SLC4A10: variants seen among roughly 807,000 people sequenced by gnomAD.
SLC4A10 encodes solute carrier family 4 member 10.
Under a neutral mutation model 137.7 loss-of-function variants are expected in SLC4A10, and 42 were observed. The observed-to-expected ratio is 0.30, with a 90% CI of 0.24 to 0.39. The LOEUF (loss-of-function observed/expected upper bound fraction) is 0.39. Ranked by LOEUF, SLC4A10 falls within the 10% of genes least tolerant of loss-of-function variation. The pLI, the probability that SLC4A10 is intolerant of heterozygous loss-of-function variation, is 1.00. For missense variants in SLC4A10, 925 were observed against 1,355.0 expected, an observed-to-expected ratio of 0.68 and a Z score of 4.98; for synonymous variants, 474 against 464.1, an observed-to-expected ratio of 1.02 and a Z score of -0.27.
At chr2:161,795,932 C>G (rs756502155) in intron 2 of SLC4A10, among the ~76,000 whole-genome samples, 1 of 152,026 alleles carries the variant, frequency 6.6e-6, no homozygotes, top group Non-Finnish European at 1.5e-5. Context: ...TGCTTGCCTT[C>G]TCTAGTATCC....
chr2:161,745,265 A>C (rs1403222804), intron 1 of SLC4A10, among the ~76,000 whole-genome samples: 1 of 151,528 alleles, frequency 6.6e-6, no homozygotes, highest in East Asian at 1.9e-4. Context: ...TCATCTTCTG[A>C]CTCCTCTGAT....
At chr2:161,726,577 T>G (rs918685817) in intron 1 of SLC4A10, among the ~76,000 whole-genome samples, 1 of 152,166 alleles carries the variant, frequency 6.6e-6, no homozygotes, top group Non-Finnish European at 1.5e-5. Context: ...CAATCCAATT[T>G]ACAGTGACAC....
chr2:161,762,343 G>A (rs1464492287), intron 1 of SLC4A10, among the ~76,000 whole-genome samples: 5 of 151,998 alleles, frequency 3.3e-5, no homozygotes, highest in South Asian at 2.1e-4. Context: ...TAAAAGTTAG[G>A]TTTGACTTAT....
chr2:161,804,327 C>T, intron 2 of SLC4A10, 122 bp from the exon 3 acceptor site: 13 of 1,094,520 alleles, frequency 1.2e-5, no homozygotes, highest in Non-Finnish European at 1.7e-5. Flanking sequence ...CTTTATGTAT[C>T]ATAAACATCA....
chr2:161,868,502 G>T (rs1020245493), intron 6 of SLC4A10, among the ~76,000 whole-genome samples: 1 of 151,182 alleles, frequency 6.6e-6, no homozygotes, highest in African/African-American at 2.4e-5. Flanking sequence ...AAAATTCATG[G>T]TCTATAATAA....
chr2:161,673,893 G>A (rs764702701), intron 1 of SLC4A10, among the ~76,000 whole-genome samples: 2 of 152,152 alleles, frequency 1.3e-5, no homozygotes, highest in African/African-American at 2.4e-5. Flanking sequence ...TGAAGGCTGA[G>A]GCAGGAGAAT....
intron 5 of SLC4A10, among the ~76,000 whole-genome samples, chr2:161,859,981 G>T (rs766095252): frequency 3.3e-5 from 5 of 152,130 alleles, no homozygotes; most frequent in Non-Finnish European, 7.4e-5. Flanking sequence ...CTTCACTCTG[G>T]ACCCAACGTC....
intron 20 of SLC4A10, among the ~76,000 whole-genome samples, chr2:161,957,852 A>G (rs917507938): frequency 6.6e-6 from 1 of 152,176 alleles, no homozygotes; most frequent in Non-Finnish European, 1.5e-5. Context: ...TGCGCTATAA[A>G]TTACAACACA....
At chr2:161,679,767 A>G (rs988215498) in intron 1 of SLC4A10, among the ~76,000 whole-genome samples, 6 of 140,370 alleles carry the variant, frequency 4.3e-5, no homozygotes, top group Non-Finnish European at 6.2e-5. Flanking sequence ...TTTTATTTTG[A>G]GTCCTCTTTT....
intron 3 of SLC4A10, among the ~76,000 whole-genome samples, chr2:161,832,462 G>C (rs1411703295): frequency 6.6e-6 from 1 of 152,182 alleles, no homozygotes; most frequent in Non-Finnish European, 1.5e-5. Context: ...AAGTCCATTG[G>C]TATTGGTAGC....
intron 1 of SLC4A10, among the ~76,000 whole-genome samples, chr2:161,725,938 A>G (rs1347328978): frequency 6.6e-6 from 1 of 152,236 alleles, no homozygotes; most frequent in Non-Finnish European, 1.5e-5. Flanking sequence ...TATAACATTT[A>G]AAAGCACACA....
chr2:161,816,814 A>G (rs1559315776), intron 3 of SLC4A10, among the ~76,000 whole-genome samples: 2 of 151,842 alleles, frequency 1.3e-5, no homozygotes, highest in Non-Finnish European at 2.9e-5. Flanking sequence ...TGAACTCATC[A>G]TTTTTTATGG....
chr2:161,896,899 AT>A (rs1468682714), intron 11 of SLC4A10, among the ~76,000 whole-genome samples: 3 of 152,106 alleles, frequency 2.0e-5, no homozygotes, highest in African/African-American at 7.2e-5. Context: ...GAATATTAAA[AT>A]TTTAATAACA....
intron 1 of SLC4A10, among the ~76,000 whole-genome samples, chr2:161,666,451 A>G (rs2039059395): frequency 6.6e-6 from 1 of 151,678 alleles, no homozygotes; most frequent in Non-Finnish European, 1.5e-5. Flanking sequence ...CAGCCAAGGT[A>G]TTAGCACAAA....
chr2:161,816,829 A>G (rs1415765922), intron 3 of SLC4A10, among the ~76,000 whole-genome samples: 1 of 152,030 alleles, frequency 6.6e-6, no homozygotes, highest in Non-Finnish European at 1.5e-5. Flanking sequence ...TTATGGCTGC[A>G]TAGTATTCCA....
At chr2:161,963,732 G>T (rs1482100983) in intron 21 of SLC4A10, among the ~76,000 whole-genome samples, 1 of 152,162 alleles carries the variant, frequency 6.6e-6, no homozygotes, top group African/African-American at 2.4e-5. Context: ...TATTCCAGGA[G>T]AAAAGAAAAC....
At chr2:161,974,753 T>G (rs1242934814) in intron 24 of SLC4A10, among the ~76,000 whole-genome samples, 6 of 152,190 alleles carry the variant, frequency 3.9e-5, no homozygotes, top group Non-Finnish European at 5.9e-5. Context: ...GTGATTCAGT[T>G]GTATCAGTCA....
At chr2:161,898,581 T>A (rs1171982340) in intron 11 of SLC4A10, among the ~76,000 whole-genome samples, 2 of 152,148 alleles carry the variant, frequency 1.3e-5, no homozygotes, top group African/African-American at 4.8e-5. Context: ...AATCCCAGCA[T>A]TTTAAATATT....
intron 1 of SLC4A10, among the ~76,000 whole-genome samples, chr2:161,767,826 G>T (rs925976702): frequency 2.0e-5 from 3 of 151,800 alleles, no homozygotes; most frequent in Non-Finnish European, 4.4e-5. Context: ...CTCTCAGTTT[G>T]CCCCCCAAAA....
Sources: allele counts gnomAD v4.1 joint callset (sites outside exome capture counted in the v4.1 genomes callset), GRCh38; gene constraint gnomAD v4.1.1; transcripts MANE v1.5; gene names NCBI Gene and HGNC (gene_info 2026-07-23, HGNC 2026-07-21).